Variants in GLI2 observed in about 807,000 individuals in gnomAD.
GLI2 encodes GLI family zinc finger 2, also known as transcription activator GLI2.
Under a neutral mutation model 78.9 loss-of-function variants are expected in GLI2, and 22 were observed. The observed-to-expected ratio is 0.28, with a 90% CI of 0.20 to 0.40. The LOEUF (loss-of-function observed/expected upper bound fraction) is 0.40, where lower values mean the gene tolerates loss of function less well. GLI2 is among the 10% of genes least tolerant of loss of function. GLI2 has a pLI of 1.00. For missense variants in GLI2, 2,097 were observed against 2,213.2 expected, an observed-to-expected ratio of 0.95 and a Z score of 1.05; for synonymous variants, 974 against 963.7, an observed-to-expected ratio of 1.01 and a Z score of -0.20.
At chr2:120,822,748 G>A (rs1019682787) in intron 2 of GLI2, among the ~76,000 whole-genome samples, 2 of 152,046 alleles carry the variant, frequency 1.3e-5, no homozygotes, top group Non-Finnish European at 1.5e-5. Context: ...GTTCAATTAA[G>A]GACGTTAAAA....
chr2:120,811,304 TC>T (rs1685228044), intron 2 of GLI2, among the ~76,000 whole-genome samples: 1 of 152,166 alleles, frequency 6.6e-6, no homozygotes, highest in African/African-American at 2.4e-5. Context: ...CAAGGAGTCC[TC>T]TGGTCATTCT....
At chr2:120,830,752 G>T (rs1686320375) in intron 2 of GLI2, among the ~76,000 whole-genome samples, 1 of 152,104 alleles carries the variant, frequency 6.6e-6, no homozygotes, top group South Asian at 2.1e-4. Flanking sequence ...GCCCGTCCTG[G>T]TCCCCACCAT....
In GLI2 at chr2:120,955,430, G is replaced by A. The variant is rs778948635; in HGVS notation, c.643G>A (p.Val215Met). 7.6e-6 allele frequency: 12 copies of A among 1,589,398 alleles called. No individual in the cohort carries two copies. Among genetic ancestry groups the A allele is most frequent in the East Asian group, 2.3e-5 (1 of 44,332 alleles). ...CCACGACTACCTCAACCCCGTGGAC[G>A]GTGAGTGCTGGCCCCCAGGGGCTGA... is the stretch of plus-strand genomic sequence containing the variant. ...HLHDYLNPVD[V>M]SRFSSPRVTP... The change falls in exon 5 of 14, where the codon GTG (valine) becomes ATG (methionine). Residue 215 changes from valine to methionine, a missense_variant and splice_region_variant. Physicochemically the swap from Val to Met is conservative, Grantham distance 21 (BLOSUM62 1). Around this residue, in one of 5 missense-constraint regions of GLI2, gnomAD observed 578 missense variants for 612.0 expected, o/e 0.94. Coordinates refer to ENST00000361492, the MANE Select transcript of GLI2 (RefSeq NM_001374353.1).
intron 5 of GLI2, among the ~76,000 whole-genome samples, chr2:120,967,807 G>A (rs1384567568): frequency 6.6e-6 from 1 of 152,234 alleles, no homozygotes; most frequent in Non-Finnish European, 1.5e-5. Flanking sequence ...TAGAACTGAG[G>A]ACCTCAGTAC....
intron 1 of GLI2, among the ~76,000 whole-genome samples, chr2:120,739,100 T>C (rs917926524): frequency 6.6e-6 from 1 of 152,188 alleles, no homozygotes; most frequent in African/African-American, 2.4e-5. Flanking sequence ...GTACTGTAGC[T>C]GGCTTGTTTG....
chr2:120,758,465 T>G (rs1178681224), intron 1 of GLI2, among the ~76,000 whole-genome samples: 1 of 152,224 alleles, frequency 6.6e-6, no homozygotes. Flanking sequence ...CTCTCAGACC[T>G]GGCTGCAGGA....
At chr2:120,891,706 T>C (rs1677690801) in intron 2 of GLI2, among the ~76,000 whole-genome samples, 2 of 152,118 alleles carry the variant, frequency 1.3e-5, no homozygotes, top group Non-Finnish European at 2.9e-5. Flanking sequence ...CTGGCTCCAG[T>C]AGAGTGGAGG....
intron 2 of GLI2, among the ~76,000 whole-genome samples, chr2:120,811,685 A>G (rs1685248254): frequency 6.6e-6 from 1 of 152,074 alleles, no homozygotes; most frequent in South Asian, 2.1e-4. Flanking sequence ...AGGAATTTGG[A>G]TGGAGGGGTA....
rs1364039736 is a variant in GLI2 at position 120,951,391 on chromosome 2, A to G, written c.403A>G (p.Ser135Gly). Residue 135 changes from serine to glycine, a missense_variant, in exon 4 of 14, where the codon AGC (serine) becomes GGC (glycine). Ser to Gly is a moderately conservative substitution (Grantham distance 56). Around this residue, in one of 5 missense-constraint regions of GLI2, gnomAD observed 578 missense variants for 612.0 expected, o/e 0.94. Transcript: ENST00000361492. ...GGAGCACTACCTCCGTTCTGTGCAC[A>G]GCAGCCCCACGCTCTCCATGATCTC... ...HMEHYLRSVH[S>G]SPTLSMISAA... 1 of 1,613,336 alleles carries G rather than the reference A, an allele frequency of 6.2e-7. No individual in the cohort carries two copies. The highest frequency in any genetic ancestry group is 8.5e-7 in the Non-Finnish European group (1 of 1,179,520).
chr2:120,830,644 G>T (rs1293839068), intron 2 of GLI2, among the ~76,000 whole-genome samples: 2 of 152,208 alleles, frequency 1.3e-5, no homozygotes, highest in Admixed American at 1.3e-4. Context: ...CTCCAGCAGG[G>T]CAGGGGAGGG....
intron 1 of GLI2, among the ~76,000 whole-genome samples, chr2:120,777,053 C>T (rs149232374): frequency 1.2e-3 from 177 of 152,266 alleles, no homozygotes; most frequent in Middle Eastern, 0.01. Flanking sequence ...GCTGTGTGCA[C>T]GCGTGTGTGT....
At position 120,970,485 on chromosome 2, in the gene GLI2, C is replaced by T; in HGVS notation, c.938C>T (p.Thr313Ile). The stretch of plus-strand genomic sequence containing the variant: ...GGTCTGGGGTCAGCCTTTGGACACA[C>T]ACCACCCCTGATCCAGCCCTCACCC... Reference protein sequence around the residue: ...QRGLGSAFGHTPPLIQPSPTF... With the variant: ...QRGLGSAFGHIPPLIQPSPTF... Residue 313 changes from threonine to isoleucine, a missense_variant, in exon 7 of 14, where the codon ACA becomes ATA. Coordinates refer to ENST00000361492, the MANE Select transcript of GLI2 (RefSeq NM_001374353.1). The T allele has an allele frequency of 6.2e-7, 1 of 1,613,860 alleles. No homozygotes were observed. The highest frequency in any genetic ancestry group is 1.1e-5 in the South Asian group (1 of 91,068).
intron 2 of GLI2, among the ~76,000 whole-genome samples, chr2:120,814,853 A>G (rs1041198631): frequency 5.8e-5 from 8 of 139,004 alleles, no homozygotes; most frequent in African/African-American, 2.2e-4. Flanking sequence ...CCTGGTGCCA[A>G]AAAGCTTCGG....
rs1270411859 is a variant in GLI2, at chr2:120,948,572, ATG to A, written c.255-2668_255-2667del. Among the ~76,000 whole-genome samples the A allele has an allele frequency of 2.0e-5, 3 of 152,182 alleles. No individual in the cohort carries two copies. The East Asian group carries it at 5.8e-4, about 29-fold the overall frequency. On this transcript the variant is annotated intron_variant, in intron 3 of 13. Transcript: ENST00000361492. ...ATGGCAGCCCCAGACAGTGGTGTGC[ATG>A]TGGCTGTGACAACACCTCACTCCGG...
chr2:120,776,525 A>ACCGC (rs1055955351), intron 1 of GLI2, among the ~76,000 whole-genome samples: 17 of 152,006 alleles, frequency 1.1e-4, no homozygotes, highest in African/African-American at 4.1e-4. Flanking sequence ...TGCCCTAGAC[A>ACCGC]CATTTGCCTG....
At chr2:120,883,953 C>G (rs1189393098) in intron 2 of GLI2, among the ~76,000 whole-genome samples, 1 of 152,130 alleles carries the variant, frequency 6.6e-6, no homozygotes, top group African/African-American at 2.4e-5. Context: ...TGTGTGGAGG[C>G]CTGATTTTGG....
chr2:120,906,657 A>G (rs1156964678), intron 2 of GLI2, among the ~76,000 whole-genome samples: 1 of 151,184 alleles, frequency 6.6e-6, no homozygotes, highest in Non-Finnish European at 1.5e-5. Flanking sequence ...CCTTTCTGTA[A>G]CTAGTCTCTG....
chr2:120,846,690 A>C (rs1687132304), intron 2 of GLI2, among the ~76,000 whole-genome samples: 1 of 152,228 alleles, frequency 6.6e-6, no homozygotes, highest in Non-Finnish European at 1.5e-5. Context: ...ACCATGGCTC[A>C]GGCATGGAGC....
chr2:120,827,401 G>T (rs368237572), intron 2 of GLI2, among the ~76,000 whole-genome samples: 1 of 152,228 alleles, frequency 6.6e-6, no homozygotes, highest in Non-Finnish European at 1.5e-5. Flanking sequence ...GTGCTGGTGA[G>T]GATGTGGAGA....
Sources: allele counts gnomAD v4.1 joint callset (sites outside exome capture counted in the v4.1 genomes callset), GRCh38; gene constraint gnomAD v4.1.1; regional missense constraint gnomAD v4.1.1; transcripts MANE v1.5; gene names NCBI Gene and HGNC (gene_info 2026-07-23, HGNC 2026-07-21).